The following TAF4 variants were observed in gnomAD, a reference collection of about 807,000 sequenced individuals.
The protein encoded by TAF4 is transcription initiation factor TFIID subunit 4.
Under a neutral mutation model 90.3 loss-of-function variants are expected in TAF4, and 9 were observed. The observed-to-expected ratio is 0.10, with a 90% CI of 0.06 to 0.17. The LOEUF is 0.17. TAF4 is among the 10% of genes least tolerant of loss of function. The pLI is 1.00. For missense variants in TAF4, 1,351 were observed against 1,370.7 expected, an observed-to-expected ratio of 0.99 and a Z score of 0.23; for synonymous variants, 818 against 638.9, an observed-to-expected ratio of 1.28 and a Z score of -4.23.
chr20:62,032,881 C>T (rs1020178450), intron 1 of TAF4, among the ~76,000 whole-genome samples: 1 of 152,094 alleles, frequency 6.6e-6, no homozygotes, highest in African/African-American at 2.4e-5. Flanking sequence ...CCGATCAATC[C>T]GATTCATCAG....
intron 14 of TAF4, among the ~76,000 whole-genome samples, chr20:61,994,165 A>T (rs778765358): frequency 2.0e-5 from 3 of 151,832 alleles, no homozygotes; most frequent in Non-Finnish European, 4.4e-5. Flanking sequence ...TAAGTCCTTA[A>T]CTCTAAGTGC....
At chr20:61,982,223 C>T (rs2055550547) in intron 14 of TAF4, among the ~76,000 whole-genome samples, 1 of 7,842 alleles carries the variant, frequency 1.3e-4, no homozygotes, top group Non-Finnish European at 5.2e-4. Flanking sequence ...ACCAAACCCA[C>T]ACCCACTGAG....
intron 1 of TAF4, among the ~76,000 whole-genome samples, chr20:62,061,617 G>A (rs779468873): frequency 2.6e-5 from 4 of 152,218 alleles, no homozygotes; most frequent in Non-Finnish European, 4.4e-5. Context: ...ACATGCTAAT[G>A]TGGGTGTCAA....
intron 5 of TAF4, chr20:62,008,782 C>CCA: frequency 3.1e-6 from 1 of 325,756 alleles, no homozygotes; most frequent in Non-Finnish European, 5.6e-6. Flanking sequence ...GAGAAGAGAG[C>CCA]CACAGACAAG....
intron 14 of TAF4, among the ~76,000 whole-genome samples, chr20:61,991,033 A>G (rs189267189): frequency 6.6e-6 from 1 of 152,214 alleles, no homozygotes; most frequent in Non-Finnish European, 1.5e-5. Flanking sequence ...AGAAGACCTC[A>G]GAAACACATA....
At chr20:62,014,472 A>G in intron 2 of TAF4, 75 bp downstream of exon 2, 1 of 1,471,642 alleles carries the variant, frequency 6.8e-7, no homozygotes, top group Non-Finnish European at 9.0e-7. Flanking sequence ...TGGCCCTTGC[A>G]GGTTTCCCCA....
chr20:61,985,867 A>G (rs1436481380), intron 14 of TAF4, among the ~76,000 whole-genome samples: 1 of 147,784 alleles, frequency 6.8e-6, no homozygotes, highest in East Asian at 2.1e-4. Flanking sequence ...TGCTGCCCAG[A>G]GTATGGTTCT....
At chr20:61,984,166 G>A (rs1347215895) in intron 14 of TAF4, among the ~76,000 whole-genome samples, 3 of 152,142 alleles carry the variant, frequency 2.0e-5, no homozygotes, top group African/African-American at 4.8e-5. Context: ...GCGGCTCGGG[G>A]ATGTCCACCC....
In TAF4 at chr20:62,006,741, C is replaced by T; in HGVS notation, c.1992G>A (p.Leu664=). ...VPFLKRSLPA[L]RQLTPDSAAF... ...CCGCGGAGTCGGGGGTCAGCTGTCT[C>T]AAGGCGGGTAAGCTCCTCTGGGTGG... The change falls in exon 7 of 15, where the codon TTG becomes TTA. Residue 664 remains leucine, a synonymous_variant. Coordinates refer to ENST00000252996, the MANE Select transcript of TAF4 (RefSeq NM_003185.4). This position sits in a 1 kb window ranked among gnomAD's most constrained non-coding sequence, Gnocchi z 7.0. 6.5e-7 allele frequency: 1 copy of T among 1,531,896 alleles called. No homozygotes were observed. The highest frequency in any genetic ancestry group is 8.8e-7 in the Non-Finnish European group (1 of 1,131,290). The allele number at this position is 1,531,896 out of a possible 1,614,324, so 94.9% of individuals were successfully genotyped here.
At chr20:62,019,179 G>A (rs2055828908) in intron 1 of TAF4, among the ~76,000 whole-genome samples, 2 of 152,216 alleles carry the variant, frequency 1.3e-5, no homozygotes, top group Non-Finnish European at 2.9e-5. Flanking sequence ...AGTTTAATAA[G>A]TGCAGAGAAG....
chr20:62,050,449 T>C lies in TAF4; in HGVS notation c.1360+14002A>G, dbSNP rs1055980647. ...ACGCCACAATGCCTGCTTGTGCTTG[T>C]ACATGGAGATTCCAGACAGGTGCCC... On this transcript the variant is annotated intron_variant, in intron 1 of 14. Coordinates refer to ENST00000252996, the MANE Select transcript of TAF4 (RefSeq NM_003185.4). Among the ~76,000 whole-genome samples, 26 of 152,166 alleles carry C rather than the reference T, an allele frequency of 1.7e-4. 1 individual carries two copies. Among genetic ancestry groups the C allele is most frequent in the Middle Eastern group, 3.4e-3 (1 of 294 alleles).
intron 14 of TAF4, among the ~76,000 whole-genome samples, chr20:61,988,902 T>C: frequency 6.6e-6 from 1 of 152,070 alleles, no homozygotes; most frequent in African/African-American, 2.4e-5. Flanking sequence ...TCCACACACG[T>C]TAACACTCAC....
intron 1 of TAF4, among the ~76,000 whole-genome samples, chr20:62,050,261 A>C (rs2145512235): frequency 6.6e-6 from 1 of 152,120 alleles, no homozygotes; most frequent in South Asian, 2.1e-4. Flanking sequence ...GCCTCTCATC[A>C]TCCTCCCCTC....
intron 12 of TAF4, among the ~76,000 whole-genome samples, 186 bp from the exon 13 acceptor site, chr20:61,998,378 TC>T (rs2055676715): frequency 6.6e-6 from 1 of 152,164 alleles, no homozygotes; most frequent in Non-Finnish European, 1.5e-5. Flanking sequence ...AAGCCAGTAA[TC>T]TTGAGAAAAG....
At chr20:62,040,689 G>A (rs1200334213) in intron 1 of TAF4, among the ~76,000 whole-genome samples, 4 of 152,230 alleles carry the variant, frequency 2.6e-5, no homozygotes, top group Admixed American at 2.6e-4. Flanking sequence ...GCCTGGCCAC[G>A]CCAAGAGCCA....
intron 14 of TAF4, among the ~76,000 whole-genome samples, chr20:61,983,595 G>A (rs1009379232): frequency 2.0e-5 from 3 of 152,182 alleles, no homozygotes; most frequent in South Asian, 2.1e-4. Flanking sequence ...AGCCCAGAAA[G>A]TCAAAGTTGC....
At chr20:61,998,872 C>G in intron 12 of TAF4, 111 bp downstream of exon 12, 18 of 1,441,090 alleles carry the variant, frequency 1.2e-5, no homozygotes, top group Non-Finnish European at 1.7e-5. Context: ...TGCTTCAAGG[C>G]CAGCCCAAAA....
intron 1 of TAF4, among the ~76,000 whole-genome samples, chr20:62,018,412 G>A (rs768522494): frequency 5.9e-5 from 9 of 152,242 alleles, no homozygotes; most frequent in Non-Finnish European, 8.8e-5. Flanking sequence ...TCACGCCAAG[G>A]CAAAGAAGTG....
intron 1 of TAF4, among the ~76,000 whole-genome samples, chr20:62,062,934 A>C (rs1322989782): frequency 6.6e-6 from 1 of 152,220 alleles, no homozygotes; most frequent in Non-Finnish European, 1.5e-5. Context: ...TTTTATAAAT[A>C]AAGCATTGTG....
Sources: allele counts gnomAD v4.1 joint callset (sites outside exome capture counted in the v4.1 genomes callset), GRCh38; gene constraint gnomAD v4.1.1; non-coding constraint Gnocchi (gnomAD v3.1); transcripts MANE v1.5; gene names NCBI Gene and HGNC (gene_info 2026-07-23, HGNC 2026-07-21).